CCDC77: variants seen among roughly 807,000 people sequenced by gnomAD.
CCDC77 encodes coiled-coil domain containing 77, also known as coiled-coil domain-containing protein 77.
In CCDC77, 56 loss-of-function variants were observed where a neutral mutation model predicts 66.8. That is an observed-to-expected ratio of 0.84 (90% CI 0.68 to 1.05). CCDC77 has a LOEUF of 1.05. Ranked by LOEUF, CCDC77 falls within the 50% of genes least tolerant of loss-of-function variation. The pLI is 0.00. For synonymous variants in CCDC77, 196 were observed against 195.2 expected (o/e 1.00, Z -0.03); for missense variants, 570 against 576.8 (o/e 0.99, Z 0.12).
intron 4 of CCDC77, among the ~76,000 whole-genome samples, chr12:414,884 C>G (rs1565567531): frequency 1.3e-5 from 2 of 152,186 alleles, no homozygotes; most frequent in African/African-American, 4.8e-5. Flanking sequence ...CTTGCCAGTA[C>G]CTGCCTCTGG....
intron 2 of CCDC77, among the ~76,000 whole-genome samples, chr12:405,835 A>G (rs1944980052): frequency 6.6e-6 from 1 of 152,172 alleles, no homozygotes; most frequent in African/African-American, 2.4e-5. Flanking sequence ...ATAATAGATA[A>G]AAACCCGCTG....
intron 9 of CCDC77, among the ~76,000 whole-genome samples, chr12:436,321 G>A (rs932983349): frequency 6.6e-6 from 1 of 151,552 alleles, no homozygotes; most frequent in African/African-American, 2.4e-5. Flanking sequence ...TAGAGACAAG[G>A]TTTCACCGTG....
chr12:409,278 A>T, intron 2 of CCDC77, 90 bp from the exon 3 acceptor site: 1 of 825,750 alleles, frequency 1.2e-6, no homozygotes, highest in Non-Finnish European at 2.0e-6. Flanking sequence ...AGCAAATATG[A>T]TGATGTTGAA....
In CCDC77 at chr12:432,007, CTA is replaced by C. The variant is rs1219954127; in HGVS notation, c.672+55_672+56del. ...ATGGCTTTTATCCACAGGTGCAGCT[CTA>C]TGTCACATACCCTCAGTGTCATGTG... On this transcript the variant is annotated intron_variant, in intron 8 of 12. Transcript: ENST00000239830. The C allele has an allele frequency of 9.7e-6, 10 of 1,032,800 alleles. No individual in the cohort carries two copies. The East Asian group carries it at 2.4e-4, about 25-fold the overall frequency. The allele number at this position is 1,032,800 out of a possible 1,614,324, so 64.0% of individuals were successfully genotyped here.
chr12:410,021 A>T (rs1228022535), intron 3 of CCDC77, among the ~76,000 whole-genome samples: 1 of 151,660 alleles, frequency 6.6e-6, no homozygotes, highest in Admixed American at 6.6e-5. Flanking sequence ...AAGAAATGTT[A>T]AGTAAACTAG....
At chr12:398,614 A>G (rs1227758974), upstream of CCDC77, among the ~76,000 whole-genome samples, 1 of 152,042 alleles carries the variant, frequency 6.6e-6, no homozygotes, top group Non-Finnish European at 1.5e-5. Context: ...CAGCATCTGC[A>G]GTTATTTCGT....
At chr12:391,373 T>C (rs535740042) in intron 1 of CCDC77, among the ~76,000 whole-genome samples, 1 of 152,116 alleles carries the variant, frequency 6.6e-6, no homozygotes, top group African/African-American at 2.4e-5. Flanking sequence ...GAGAATTGCT[T>C]GAACCCAGGA....
At chr12:441,230 T>C (rs929481464) in intron 12 of CCDC77, among the ~76,000 whole-genome samples, 3 of 152,178 alleles carry the variant, frequency 2.0e-5, no homozygotes, top group Non-Finnish European at 2.9e-5. Context: ...GCTAAACAGA[T>C]TGTCATCCCT....
intron 5 of CCDC77, among the ~76,000 whole-genome samples, chr12:423,094 C>CT (rs796102854): frequency 0.023 from 2,068 of 89,232 alleles, 58 homozygotes; most frequent in African/African-American, 0.066. Flanking sequence ...CTGTTATTTT[C>CT]TTTTTTTTTT....
intron 2 of CCDC77, among the ~76,000 whole-genome samples, chr12:408,414 T>A (rs995297353): frequency 6.6e-6 from 1 of 152,200 alleles, no homozygotes; most frequent in African/African-American, 2.4e-5. Context: ...TAATTTTTTT[T>A]CTTTTGCTTA....
chr12:433,862 C>G (rs1009283366), intron 9 of CCDC77, among the ~76,000 whole-genome samples: 3 of 152,018 alleles, frequency 2.0e-5, no homozygotes, highest in African/African-American at 7.2e-5. Flanking sequence ...AAATTTTTGT[C>G]CCAAGAAAGG....
At chr12:423,471 TTTTTTGTGTTTTTTTTTG>T (rs1945458802) in intron 5 of CCDC77, among the ~76,000 whole-genome samples, 1 of 53,374 alleles carries the variant, frequency 1.9e-5, no homozygotes, top group African/African-American at 1.1e-4. Flanking sequence ...GTTTTTTGTG[TTTTTTGTGTTTTTTTTTG>T]TTTTGTTTTT....
At chr12:399,175 A>T (rs529616456), upstream of CCDC77, among the ~76,000 whole-genome samples, 237 of 147,242 alleles carry the variant, frequency 1.6e-3, 4 homozygotes, top group East Asian at 0.023. Flanking sequence ...CTTATGAAAT[A>T]TTTTTTTTTT....
rs781629371 is a variant in CCDC77, at chr12:411,873, T to G, written c.165T>G (p.Ser55=). 12 of 1,613,996 alleles carry G rather than the reference T, an allele frequency of 7.4e-6. No individual in the cohort carries two copies. Among genetic ancestry groups the G allele is most frequent in the Non-Finnish European group, 1.0e-5 (12 of 1,179,986 alleles). ...PEDRLAKLHP[S]KELLEYYQKK... is the part of the protein sequence containing the mutation. ...ATCGTCTGGCCAAACTCCATCCTTC[T>G]AAGGAGCTCCTGGAATATTATCAAA... Residue 55 remains serine, a synonymous_variant, in exon 4 of 13, where the codon TCT becomes TCG. Transcript: ENST00000239830.
At chr12:414,838 A>G (rs932813652) in intron 4 of CCDC77, among the ~76,000 whole-genome samples, 2 of 151,956 alleles carry the variant, frequency 1.3e-5, no homozygotes, top group African/African-American at 2.4e-5. Flanking sequence ...GCTCACACAG[A>G]CCCTTGAGTT....
chr12:389,475 A>C (rs1375470637), exon 1 of CCDC77: 6 of 387,552 alleles, frequency 1.5e-5, no homozygotes, highest in Admixed American at 8.5e-5. Context: ...GACTCCACGC[A>C]GCTCGCCCTT....
At chr12:423,214 T>C (rs1444799311) in intron 5 of CCDC77, among the ~76,000 whole-genome samples, 3 of 130,650 alleles carry the variant, frequency 2.3e-5, no homozygotes, top group African/African-American at 8.4e-5. Flanking sequence ...TTTACCTACC[T>C]CCTAGGCTCA....
intron 5 of CCDC77, among the ~76,000 whole-genome samples, chr12:423,498 T>TTG (rs1352737811): frequency 1.2e-4 from 9 of 77,580 alleles, no homozygotes; most frequent in Admixed American, 1.5e-4. Flanking sequence ...TGTTTTGTTT[T>TTG]TTTTTTTTTT....
chr12:411,286 G>A (rs1316362672), intron 3 of CCDC77, among the ~76,000 whole-genome samples: 1 of 151,542 alleles, frequency 6.6e-6, no homozygotes, highest in African/African-American at 2.4e-5. Flanking sequence ...CGATTCTCCT[G>A]CCTCAGCCTC....
Sources: allele counts gnomAD v4.1 joint callset (sites outside exome capture counted in the v4.1 genomes callset), GRCh38; gene constraint gnomAD v4.1.1; transcripts MANE v1.5; gene names NCBI Gene and HGNC (gene_info 2026-07-23, HGNC 2026-07-21).